GALNT10: variants seen among roughly 807,000 people sequenced by gnomAD.
GALNT10 encodes the protein polypeptide N-acetylgalactosaminyltransferase 10, also known as GalNAc transferase 10.
A neutral mutation model predicts 75.0 loss-of-function variants in GALNT10; 41 were observed. The observed-to-expected ratio is 0.55, with a 90% confidence interval of 0.43 to 0.71. GALNT10 has a LOEUF of 0.71. GALNT10 is among the 30% of genes least tolerant of loss of function. The pLI, the probability that GALNT10 is intolerant of heterozygous loss-of-function variation, is 0.00. For missense variants in GALNT10, 727 were observed against 818.5 expected, an observed-to-expected ratio of 0.89 and a Z score of 1.36; for synonymous variants, 302 against 313.0, an observed-to-expected ratio of 0.96 and a Z score of 0.37.
intron 9 of GALNT10, among the ~76,000 whole-genome samples, chr5:154,411,425 A>C (rs1756394914): frequency 6.6e-6 from 1 of 152,212 alleles, no homozygotes; most frequent in African/African-American, 2.4e-5. Flanking sequence ...TTATTCTTGG[A>C]TCCTGCACCC....
intron 4 of GALNT10, among the ~76,000 whole-genome samples, chr5:154,370,863 C>T (rs921198796): frequency 4.6e-5 from 7 of 152,170 alleles, no homozygotes; most frequent in South Asian, 4.1e-4. Flanking sequence ...TGCAGTAGGC[C>T]GTGGAGTGCA....
chr5:154,395,419 T>C (rs1276099057), intron 7 of GALNT10, among the ~76,000 whole-genome samples: 1 of 152,230 alleles, frequency 6.6e-6, no homozygotes, highest in Non-Finnish European at 1.5e-5. Flanking sequence ...TGGAATAATC[T>C]TTACTTCATA....
chr5:154,214,452 G>C (rs1445459406), intron 1 of GALNT10, among the ~76,000 whole-genome samples: 1 of 152,052 alleles, frequency 6.6e-6, no homozygotes, highest in Non-Finnish European at 1.5e-5. Context: ...GGGAATGATA[G>C]AGCCTAATTT....
intron 1 of GALNT10, among the ~76,000 whole-genome samples, chr5:154,233,794 A>G (rs1211776144): frequency 1.3e-5 from 2 of 152,126 alleles, no homozygotes; most frequent in Non-Finnish European, 2.9e-5. Flanking sequence ...TTGCTGGGAG[A>G]CTGTAATGGC....
intron 4 of GALNT10, among the ~76,000 whole-genome samples, chr5:154,348,489 GA>G (rs1755161195): frequency 1.3e-5 from 2 of 152,192 alleles, no homozygotes; most frequent in South Asian, 2.1e-4. Flanking sequence ...AGTGATAAGA[GA>G]AAATATCTTT....
rs542781159 is a variant in GALNT10, at chr5:154,416,164, G to A, written c.1653+232G>A. On this transcript the variant is annotated intron_variant, in intron 11 of 11. Transcript: ENST00000297107. This position sits in a 1 kb window ranked among gnomAD's most constrained non-coding sequence, Gnocchi z 4.5. ...CATTTAAAAAGAAAAGTGCAGCCGG[G>A]CACAGTGGCTCATGCCTGTAATCCC... 6.6e-6 allele frequency among the ~76,000 whole-genome samples: 1 copy of A among 152,302 alleles called. No individual in the cohort carries two copies. Among genetic ancestry groups the A allele is most frequent in the Non-Finnish European group, 1.5e-5 (1 of 68,032 alleles).
intron 1 of GALNT10, among the ~76,000 whole-genome samples, chr5:154,282,784 C>G (rs1754057193): frequency 6.6e-6 from 1 of 152,186 alleles, no homozygotes; most frequent in Non-Finnish European, 1.5e-5. Context: ...CTTGAGTGAC[C>G]TTTCCTTCAT....
chr5:154,417,055 G>A lies in GALNT10; in HGVS notation c.*83G>A. 7.8e-7 allele frequency: 1 copy of A among 1,279,692 alleles called. No individual in the cohort carries two copies. The highest frequency in any genetic ancestry group is 2.3e-5 in the East Asian group (1 of 43,272). 79.3% of individuals were successfully genotyped at this position (1,279,692 alleles called of 1,614,324 possible). A position where few individuals can be genotyped will look rare whatever the true frequency, so the allele number is the denominator to read the frequency against. ...TTTCAAGGGAGGCAGGGCCCCTGTGGGCACTAGGTGTAAAAGGTGCTGGCC... is the reference window on the plus strand; with the variant it reads ...TTTCAAGGGAGGCAGGGCCCCTGTGAGCACTAGGTGTAAAAGGTGCTGGCC... On this transcript the variant is annotated 3_prime_UTR_variant, in exon 12 of 12. Transcript: ENST00000297107.
At chr5:154,386,611 G>C in intron 7 of GALNT10, 181 bp downstream of exon 7, 2 of 541,078 alleles carry the variant, frequency 3.7e-6, no homozygotes, top group Non-Finnish European at 3.3e-6. Flanking sequence ...GGGTGGGGGG[G>C]TGTGGGAGGG....
intron 1 of GALNT10, among the ~76,000 whole-genome samples, chr5:154,283,880 G>C (rs1208127942): frequency 3.3e-5 from 5 of 152,172 alleles, no homozygotes. Context: ...AGCTGTGGCA[G>C]ATGGGTCCTG....
chr5:154,321,914 G>T (rs902148430), intron 3 of GALNT10, among the ~76,000 whole-genome samples: 1 of 152,048 alleles, frequency 6.6e-6, no homozygotes, highest in Non-Finnish European at 1.5e-5. Context: ...CAGAAATGAG[G>T]GGTTTTGTAT....
In GALNT10 at chr5:154,222,673, G is replaced by A. The variant is rs546309933; in HGVS notation, c.159+31648G>A. Reference sequence around the variant, plus strand: ...GCCATTCTGGTAGATGTGAAGAAGTGACATCTTAATGTCTCACATGAAATT... The same window carrying A: ...GCCATTCTGGTAGATGTGAAGAAGTAACATCTTAATGTCTCACATGAAATT... On this transcript the variant is annotated intron_variant, in intron 1 of 11. Transcript: ENST00000297107. Among the ~76,000 whole-genome samples the A allele has an allele frequency of 5.3e-5, 8 of 152,294 alleles. No individual in the cohort carries two copies. In the South Asian group the frequency reaches 1.7e-3, roughly 32 times the overall value.
intron 8 of GALNT10, among the ~76,000 whole-genome samples, chr5:154,407,941 T>C (rs1756314997): frequency 6.6e-6 from 1 of 152,188 alleles, no homozygotes; most frequent in Non-Finnish European, 1.5e-5. Context: ...GCCTCCCTCA[T>C]GTTGGCTTCC....
At chr5:154,245,684 G>A (rs1162921788) in intron 1 of GALNT10, among the ~76,000 whole-genome samples, 2 of 152,000 alleles carry the variant, frequency 1.3e-5, no homozygotes, top group African/African-American at 4.8e-5. Flanking sequence ...ACCAGGTAAT[G>A]ATGAAAAGAG....
chr5:154,274,292 GGTA>G (rs1273040026), intron 1 of GALNT10, among the ~76,000 whole-genome samples: 1 of 152,168 alleles, frequency 6.6e-6, no homozygotes, highest in Non-Finnish European at 1.5e-5. Flanking sequence ...GGCTTTGATA[GGTA>G]GGATGCTAAA....
chr5:154,418,213 C>T lies in GALNT10; in HGVS notation c.*1241C>T, dbSNP rs1043145313. ...GCAGGGGGACATGTGTCCCTCAGCT[C>T]AGCAGAGGCTGTGGTACAACATGGT... On this transcript the variant is annotated 3_prime_UTR_variant, in exon 12 of 12. Transcript: ENST00000297107. 2 of 152,200 alleles carry T rather than the reference C, an allele frequency of 1.3e-5. No homozygotes were observed. The highest frequency in any genetic ancestry group is 6.5e-5 in the Admixed American group (1 of 15,268). The allele number at this position is 152,200 out of a possible 1,614,324, so 9.4% of individuals were successfully genotyped here. A position where few individuals can be genotyped will look rare whatever the true frequency, so the allele number is the denominator to read the frequency against.
At chr5:154,304,784 G>A (rs1053984358) in intron 3 of GALNT10, among the ~76,000 whole-genome samples, 8 of 152,162 alleles carry the variant, frequency 5.3e-5, no homozygotes, top group Non-Finnish European at 1.0e-4. Context: ...GATTGAAGGG[G>A]AGAAATGGTA....
At chr5:154,240,138 C>T (rs1208431279) in intron 1 of GALNT10, among the ~76,000 whole-genome samples, 1 of 152,202 alleles carries the variant, frequency 6.6e-6, no homozygotes, top group Non-Finnish European at 1.5e-5. Context: ...ACTTACCATA[C>T]ATCAGGCACA....
chr5:154,277,468 C>T (rs942838209), intron 1 of GALNT10, among the ~76,000 whole-genome samples: 1 of 151,800 alleles, frequency 6.6e-6, no homozygotes, highest in Non-Finnish European at 1.5e-5. Flanking sequence ...AAGAGACCCA[C>T]TTTTGATGGG....
Sources: gnomAD v4.1 joint callset for allele counts (sites outside exome capture counted in the v4.1 genomes callset) on GRCh38, gnomAD v4.1.1 for gene constraint, Gnocchi (gnomAD v3.1) non-coding constraint, MANE v1.5 for transcripts, NCBI Gene and HGNC (gene_info 2026-07-23, HGNC 2026-07-21) for gene names.